Variants in CCDC149 observed in about 807,000 individuals in gnomAD.
CCDC149 encodes coiled-coil domain-containing protein 149.
A neutral mutation model predicts 59.9 loss-of-function variants in CCDC149; 45 were observed. That is an observed-to-expected ratio of 0.75 (90% CI 0.59 to 0.96). CCDC149 has a LOEUF of 0.96. Among genes scored for constraint, CCDC149 ranks in the 40% least tolerant of loss-of-function variants. The pLI, the probability that CCDC149 is intolerant of heterozygous loss-of-function variation, is 0.00. For synonymous variants in CCDC149, 245 were observed against 260.6 expected (o/e 0.94, Z 0.58); for missense variants, 584 against 664.7 (o/e 0.88, Z 1.33).
At position 24,900,883 on chromosome 4, in the gene CCDC149, C is replaced by T. The variant is rs116818171; in HGVS notation, c.63+11934G>A. On this transcript the variant is annotated intron_variant, in intron 1 of 12. Transcript: ENST00000635206. ...TGAGATAAAGGTGGGAGCCAGAATG[C>T]ATGGCAGATCATTTTGGCTGAAGCA... is the stretch of plus-strand genomic sequence containing the variant. Among the ~76,000 whole-genome samples, 858 of 152,178 alleles carry T rather than the reference C, an allele frequency of 5.6e-3. 13 individuals are homozygous for T. The highest frequency in any genetic ancestry group is 0.02 in the African/African-American group (817 of 41,530).
At chr4:24,878,211 T>C (rs1719594916) in intron 1 of CCDC149, among the ~76,000 whole-genome samples, 1 of 99,388 alleles carries the variant, frequency 1.0e-5, no homozygotes, top group Admixed American at 1.3e-4. Flanking sequence ...CACAATTTTT[T>C]TTCCTAAAAA....
chr4:24,932,951 C>T (rs750606104), intron 1 of CCDC149, among the ~76,000 whole-genome samples: 1 of 152,140 alleles, frequency 6.6e-6, no homozygotes, highest in Non-Finnish European at 1.5e-5. Context: ...TGTGTTCCAA[C>T]CAGGCATGAA....
At chr4:24,853,038 A>G in intron 4 of CCDC149, 34 bp downstream of exon 4, 1 of 1,347,918 alleles carries the variant, frequency 7.4e-7, no homozygotes, top group Non-Finnish European at 1.1e-6. Context: ...ACAATGTTGC[A>G]GCAGAGCTTC....
intron 8 of CCDC149, among the ~76,000 whole-genome samples, chr4:24,834,203 C>T (rs1716346142): frequency 1.3e-5 from 2 of 152,162 alleles, no homozygotes; most frequent in South Asian, 4.1e-4. Context: ...CACTGTAGTG[C>T]TGATTAAGAC....
intron 1 of CCDC149, among the ~76,000 whole-genome samples, chr4:24,951,056 A>G (rs1012582301): frequency 6.6e-6 from 1 of 152,148 alleles, no homozygotes; most frequent in African/African-American, 2.4e-5. Context: ...GGGAGTGGGG[A>G]AGGGGGCCTC....
intron 1 of CCDC149, among the ~76,000 whole-genome samples, chr4:24,941,087 A>G (rs1722942014): frequency 1.3e-5 from 2 of 152,242 alleles, no homozygotes; most frequent in Admixed American, 1.3e-4. Context: ...AATCAACAGA[A>G]TATACATTCT....
intron 1 of CCDC149, among the ~76,000 whole-genome samples, chr4:24,979,110 G>C (rs975764808): frequency 2.0e-5 from 3 of 152,208 alleles, no homozygotes; most frequent in African/African-American, 7.2e-5. Flanking sequence ...GCCACCATGG[G>C]GGACATGGAT....
chr4:24,880,942 C>A (rs948457742), intron 1 of CCDC149, among the ~76,000 whole-genome samples: 1 of 152,200 alleles, frequency 6.6e-6, no homozygotes, highest in African/African-American at 2.4e-5. Context: ...ATTTCAACAC[C>A]ACTGTCGAAT....
chr4:24,921,303 G>A (rs1722285010), intron 1 of CCDC149, among the ~76,000 whole-genome samples: 1 of 152,186 alleles, frequency 6.6e-6, no homozygotes, highest in Non-Finnish European at 1.5e-5. Flanking sequence ...AAACCTGGAA[G>A]GCCCTATTGG....
At chr4:24,875,947 T>C (rs1028765645) in intron 2 of CCDC149, among the ~76,000 whole-genome samples, 4 of 152,266 alleles carry the variant, frequency 2.6e-5, no homozygotes, top group Admixed American at 2.0e-4. Context: ...ACATGTTAAA[T>C]AGAAAATTTC....
chr4:24,957,485 A>G (rs1017730687), intron 1 of CCDC149, among the ~76,000 whole-genome samples: 1 of 152,216 alleles, frequency 6.6e-6, no homozygotes, highest in African/African-American at 2.4e-5. Context: ...CCACCATAGT[A>G]CAATCCCATT....
Position 24,844,279 on chromosome 4 carries a change from C to T in CCDC149, c.373-6007G>A, listed in dbSNP as rs141897130. Among the ~76,000 whole-genome samples the T allele has an allele frequency of 2.1e-4, 32 of 152,270 alleles. 1 individual carries two copies. Among genetic ancestry groups the T allele is most frequent in the East Asian group, 9.6e-4 (5 of 5,190 alleles). ...CAACCGTGTCTGGCTAACCATAGCC[C>T]GTCCTCAAATGCTTCTTAGATCTAT... On this transcript the variant is annotated intron_variant, in intron 4 of 12. Coordinates refer to ENST00000635206, the MANE Select transcript of CCDC149 (RefSeq NM_001330643.2).
intron 3 of CCDC149, among the ~76,000 whole-genome samples, chr4:24,864,972 C>A (rs1308974806): frequency 6.6e-6 from 1 of 152,078 alleles, no homozygotes; most frequent in East Asian, 1.9e-4. Context: ...GGAACCAATC[C>A]CCTCTGTATA....
intron 1 of CCDC149, among the ~76,000 whole-genome samples, chr4:24,946,226 T>C (rs531093980): frequency 5.9e-5 from 9 of 152,336 alleles, no homozygotes; most frequent in African/African-American, 7.2e-5. Context: ...ACAGGTGTCA[T>C]GGTTCAATTG....
chr4:24,903,832 C>T (rs1187482794), intron 1 of CCDC149, among the ~76,000 whole-genome samples: 2 of 143,670 alleles, frequency 1.4e-5, no homozygotes, highest in African/African-American at 5.2e-5. Flanking sequence ...CAGAGTTTCG[C>T]TCTTGTTGCC....
chr4:24,837,585 G>C lies in CCDC149; in HGVS notation c.490-185C>G, dbSNP rs770877513. ...AGCTAAAAGCGAGGGATGACTTCCT[G>C]CCAGACATTCATTATATTTAAGACA... On this transcript the variant is annotated intron_variant, in intron 5 of 12. Coordinates refer to ENST00000635206, the MANE Select transcript of CCDC149 (RefSeq NM_001330643.2). This position sits in a 1 kb window ranked among gnomAD's most constrained non-coding sequence, Gnocchi z 4.3. Among the ~76,000 whole-genome samples the C allele has an allele frequency of 6.6e-6, 1 of 152,188 alleles. No homozygotes were observed. The highest frequency in any genetic ancestry group is 2.1e-4 in the South Asian group (1 of 4,834).
chr4:24,909,604 T>A (rs979379549), intron 1 of CCDC149, among the ~76,000 whole-genome samples: 4 of 152,176 alleles, frequency 2.6e-5, no homozygotes, highest in African/African-American at 4.8e-5. Flanking sequence ...GTGTCCCCAC[T>A]CAAATCTCAC....
At chr4:24,862,025 G>A (rs1718419551) in intron 3 of CCDC149, among the ~76,000 whole-genome samples, 1 of 152,130 alleles carries the variant, frequency 6.6e-6, no homozygotes, top group Admixed American at 6.5e-5. Flanking sequence ...TCAGTACCAG[G>A]AAGAAGAGAG....
At chr4:24,954,737 C>A (rs1294586623) in intron 1 of CCDC149, among the ~76,000 whole-genome samples, 1 of 152,156 alleles carries the variant, frequency 6.6e-6, no homozygotes, top group African/African-American at 2.4e-5. Flanking sequence ...GCACTCTGGG[C>A]CTGTGATAAG....
Sources: allele counts gnomAD v4.1 joint callset (sites outside exome capture counted in the v4.1 genomes callset), GRCh38; gene constraint gnomAD v4.1.1; non-coding constraint Gnocchi (gnomAD v3.1); transcripts MANE v1.5; gene names NCBI Gene and HGNC (gene_info 2026-07-23, HGNC 2026-07-21).